The following XDH variants were observed in gnomAD, a reference collection of about 807,000 sequenced individuals.
XDH encodes the protein xanthine dehydrogenase/oxidase.
A neutral mutation model predicts 156.1 loss-of-function variants in XDH; 138 were observed. That is an observed-to-expected ratio of 0.88 (90% CI 0.77 to 1.02). The LOEUF is 1.02. Among genes scored for constraint, XDH ranks in the 50% least tolerant of loss-of-function variants. The pLI is 0.00. For missense variants in XDH, 1,849 were observed against 1,684.9 expected (o/e 1.10, Z -1.71); for synonymous variants, 669 against 625.7 (o/e 1.07, Z -1.03).
Position 31,368,064 on chromosome 2 carries a change from A to C in XDH, c.2101-7T>G. The C allele has an allele frequency of 6.8e-6, 11 of 1,613,806 alleles. No homozygotes were observed. The highest frequency in any genetic ancestry group is 9.3e-6 in the Non-Finnish European group (11 of 1,179,692). On this transcript the variant is annotated splice_polypyrimidine_tract_variant and splice_region_variant and intron_variant, in intron 19 of 35. Coordinates refer to ENST00000379416, the MANE Select transcript of XDH (RefSeq NM_000379.4). ...AGTTGTTCTTTATAGCATCCTGAGG[A>C]TCACAAAGAAGTTTCAGAAATGTGG...
chr2:31,353,471 T>A (rs1480074986), intron 24 of XDH, among the ~76,000 whole-genome samples: 1 of 151,988 alleles, frequency 6.6e-6, no homozygotes, highest in Admixed American at 6.6e-5. Flanking sequence ...ACAACAACAA[T>A]GTAAGAATAC....
At chr2:31,348,496 G>A (rs941741121) in intron 27 of XDH, 133 bp from the exon 28 acceptor site, 49 of 794,314 alleles carry the variant, frequency 6.2e-5, no homozygotes, top group African/African-American at 1.7e-5. Flanking sequence ...CAAAAATTAT[G>A]GCAGTATGAA....
chr2:31,376,663 C>T (rs1348351603), intron 14 of XDH, among the ~76,000 whole-genome samples: 1 of 149,756 alleles, frequency 6.7e-6, no homozygotes, highest in East Asian at 1.9e-4. Flanking sequence ...GTGATCATAG[C>T]TGCAGTGATA....
intron 16 of XDH, among the ~76,000 whole-genome samples, chr2:31,373,545 G>GTT (rs1349629328): frequency 6.6e-6 from 1 of 150,484 alleles, no homozygotes; most frequent in Non-Finnish European, 1.5e-5. Context: ...TTGTTTGTTT[G>GTT]TTTGTTTGTT....
chr2:31,351,934 C>T (rs1337962363), intron 24 of XDH, among the ~76,000 whole-genome samples: 1 of 152,106 alleles, frequency 6.6e-6, no homozygotes, highest in Non-Finnish European at 1.5e-5. Flanking sequence ...TCTCTTTGTC[C>T]TCAGGTTTCT....
At chr2:31,345,765 T>C (rs1332688167) in intron 30 of XDH, among the ~76,000 whole-genome samples, 1 of 152,122 alleles carries the variant, frequency 6.6e-6, no homozygotes. Flanking sequence ...GTGACTGTGG[T>C]TCATTTATTG....
intron 14 of XDH, 86 bp from the exon 15 acceptor site, chr2:31,375,640 C>G: frequency 6.8e-7 from 1 of 1,480,906 alleles, no homozygotes; most frequent in Non-Finnish European, 9.1e-7. Context: ...GGCCTCGGAG[C>G]TGTACAAAGC....
rs558682198 is a variant in XDH at position 31,350,924 on chromosome 2, C to T, written c.2632-701G>A. 3.5e-4 allele frequency among the ~76,000 whole-genome samples: 43 copies of T among 124,284 alleles called. No homozygotes were observed. The South Asian group carries it at 0.013, about 38-fold the overall frequency. The allele number at this position is 124,284 out of a possible 152,430, so 81.5% of individuals were successfully genotyped here. ...AACAGTAGCCTCTTCCACTTTCCTTCCTTCTAGTCTCCAGAAGCAACTACT... is the reference window on the plus strand; with the variant it reads ...AACAGTAGCCTCTTCCACTTTCCTTTCTTCTAGTCTCCAGAAGCAACTACT... On this transcript the variant is annotated intron_variant, in intron 24 of 35. Transcript: ENST00000379416.
At chr2:31,378,064 AAGAAAG>A (rs1686300080) in intron 13 of XDH, among the ~76,000 whole-genome samples, 1 of 22,074 alleles carries the variant, frequency 4.5e-5, no homozygotes, top group South Asian at 2.1e-3. Context: ...GGAAGAAAGA[AAGAAAG>A]AAAGAAAGAA....
intron 8 of XDH, 59 bp from the exon 9 acceptor site, chr2:31,386,614 T>A: frequency 6.2e-7 from 1 of 1,610,504 alleles, no homozygotes; most frequent in Non-Finnish European, 8.5e-7. Context: ...ATTCCTCTTA[T>A]AAATTGCTTT....
chr2:31,374,595 G>A (rs1286534072), intron 15 of XDH, among the ~76,000 whole-genome samples: 2 of 152,158 alleles, frequency 1.3e-5, no homozygotes, highest in Non-Finnish European at 2.9e-5. Flanking sequence ...TGGGATTTGA[G>A]AGTAAGAGTA....
chr2:31,402,802 A>G (rs1238011541), intron 3 of XDH, among the ~76,000 whole-genome samples: 2 of 152,206 alleles, frequency 1.3e-5, no homozygotes, highest in African/African-American at 2.4e-5. Flanking sequence ...GCTTTATGGA[A>G]TGTGATATAA....
intron 24 of XDH, among the ~76,000 whole-genome samples, chr2:31,355,542 A>C (rs750897036): frequency 2.0e-4 from 31 of 152,130 alleles, no homozygotes; most frequent in Non-Finnish European, 4.3e-4. Flanking sequence ...TACTTCACCA[A>C]AACTAGTAAA....
chr2:31,380,410 G>A (rs1572548435), intron 12 of XDH, among the ~76,000 whole-genome samples: 1 of 152,328 alleles, frequency 6.6e-6, no homozygotes, highest in South Asian at 2.1e-4. Flanking sequence ...TGATGGAGCA[G>A]CTCACTGCGC....
intron 34 of XDH, among the ~76,000 whole-genome samples, chr2:31,338,432 A>T (rs1685027206): frequency 6.6e-6 from 1 of 152,190 alleles, no homozygotes; most frequent in African/African-American, 2.4e-5. Context: ...CGTGGGCCCC[A>T]GAAAGGCACA....
chr2:31,409,953 G>A (rs550565642), intron 1 of XDH, among the ~76,000 whole-genome samples: 1 of 152,252 alleles, frequency 6.6e-6, no homozygotes, highest in African/African-American at 2.4e-5. Flanking sequence ...TCATGACAAC[G>A]TTATTCACAG....
At position 31,353,361 on chromosome 2, in the gene XDH, G is replaced by C. The variant is rs545808767; in HGVS notation, c.2632-3138C>G. On this transcript the variant is annotated intron_variant, in intron 24 of 35. Coordinates refer to ENST00000379416, the MANE Select transcript of XDH (RefSeq NM_000379.4). The stretch of plus-strand genomic sequence containing the variant: ...CATTACTCAGGATTCTATCTTGTGA[G>C]AAACTCAACATTGAAGTATATACAG... Among the ~76,000 whole-genome samples, 240 of 152,232 alleles carry C rather than the reference G, an allele frequency of 1.6e-3. 1 individual carries two copies. Among genetic ancestry groups the C allele is most frequent in the African/African-American group, 4.8e-3 (200 of 41,526 alleles).
At chr2:31,373,211 G>T (rs565435895) in intron 16 of XDH, among the ~76,000 whole-genome samples, 126 of 152,318 alleles carry the variant, frequency 8.3e-4, no homozygotes, top group African/African-American at 2.9e-3. Flanking sequence ...TGCACAATTA[G>T]GAAATGGCAG....
At chr2:31,375,347 C>T (rs1290472993) in intron 15 of XDH, 33 bp downstream of exon 15, 1 of 1,614,088 alleles carries the variant, frequency 6.2e-7, no homozygotes, top group Admixed American at 1.7e-5. Context: ...AAACATGCTA[C>T]AGAGAGCCTG....
Sources: gnomAD v4.1 joint callset for allele counts (sites outside exome capture counted in the v4.1 genomes callset) on GRCh38, gnomAD v4.1.1 for gene constraint, MANE v1.5 for transcripts, NCBI Gene and HGNC (gene_info 2026-07-23, HGNC 2026-07-21) for gene names.